Variants in CADM2 observed in about 807,000 individuals in gnomAD.
CADM2 encodes immunoglobulin superfamily member 4D.
A neutral mutation model predicts 49.8 loss-of-function variants in CADM2; 12 were observed. The ratio of observed to expected loss-of-function variants is 0.24; its 90% confidence interval spans 0.15 to 0.39. The LOEUF is 0.39. Among genes scored for constraint, CADM2 ranks in the 10% least tolerant of loss-of-function variants. CADM2 has a pLI of 1.00. For missense variants in CADM2, 378 were observed against 492.3 expected, an observed-to-expected ratio of 0.77 and a Z score of 2.20; for synonymous variants, 214 against 175.4, an observed-to-expected ratio of 1.22 and a Z score of -1.74.
At chr3:85,080,856 T>C (rs1693371211) in intron 1 of CADM2, among the ~76,000 whole-genome samples, 5 of 152,074 alleles carry the variant, frequency 3.3e-5, no homozygotes, top group Admixed American at 3.3e-4. Flanking sequence ...AACATTTATG[T>C]TTCTAAAAAT....
At chr3:85,347,218 T>C (rs2030759139) in intron 1 of CADM2, among the ~76,000 whole-genome samples, 2 of 43,878 alleles carry the variant, frequency 4.6e-5, no homozygotes, top group East Asian at 4.8e-3. Context: ...TGACACTCTG[T>C]CTCACAAAAA....
At chr3:85,465,862 G>A (rs1559854090) in intron 1 of CADM2, among the ~76,000 whole-genome samples, 4 of 152,116 alleles carry the variant, frequency 2.6e-5, no homozygotes, top group Admixed American at 2.6e-4. Context: ...TTATCTAAGC[G>A]CAGGAAGATT....
At chr3:85,658,858 C>G (rs2065304683) in intron 1 of CADM2, among the ~76,000 whole-genome samples, 2 of 149,696 alleles carry the variant, frequency 1.3e-5, no homozygotes, top group Admixed American at 1.3e-4. Flanking sequence ...GGAGACCAGC[C>G]TGGGCAATGC....
rs530357055 is a variant in CADM2 at position 85,723,121 on chromosome 3, C to A, written c.62-3401C>A. Among the ~76,000 whole-genome samples, 69 of 152,150 alleles carry A rather than the reference C, an allele frequency of 4.5e-4. 1 individual carries two copies. Among genetic ancestry groups the A allele is most frequent in the African/African-American group, 1.6e-3 (67 of 41,534 alleles). ...ACATATATATACGTGTTTTCACAAA[C>A]TTATGTAAAATCATGTGAAATCAAT... On this transcript the variant is annotated intron_variant, in intron 1 of 9. Coordinates refer to ENST00000383699, the MANE Select transcript of CADM2 (RefSeq NM_001167675.2).
intron 1 of CADM2, among the ~76,000 whole-genome samples, chr3:85,178,653 A>C (rs2040847002): frequency 6.6e-6 from 1 of 151,926 alleles, no homozygotes; most frequent in African/African-American, 2.4e-5. Flanking sequence ...GTTGTAGTAC[A>C]GTATCTTTTG....
chr3:86,042,319 G>A (rs1272762241), intron 8 of CADM2, among the ~76,000 whole-genome samples: 11 of 151,968 alleles, frequency 7.2e-5, no homozygotes, highest in Non-Finnish European at 1.3e-4. Context: ...CAACAAAATT[G>A]ATAGACCACT....
chr3:85,082,022 A>G (rs531579251), intron 1 of CADM2, among the ~76,000 whole-genome samples: 1 of 152,218 alleles, frequency 6.6e-6, no homozygotes, highest in African/African-American at 2.4e-5. Flanking sequence ...ATTCTATTTT[A>G]TTTGGGGCAT....
chr3:85,111,154 T>A (rs1047586946), intron 1 of CADM2, among the ~76,000 whole-genome samples: 1 of 151,924 alleles, frequency 6.6e-6, no homozygotes, highest in Non-Finnish European at 1.5e-5. Context: ...CTTGTTAATA[T>A]TTCAAATCAT....
At chr3:85,721,148 T>A (rs923872748) in intron 1 of CADM2, among the ~76,000 whole-genome samples, 1 of 152,194 alleles carries the variant, frequency 6.6e-6, no homozygotes, top group Non-Finnish European at 1.5e-5. Flanking sequence ...TTCACTGTAT[T>A]TATTCTGGGA....
At chr3:84,973,765 C>T (rs2031628118) in intron 1 of CADM2, among the ~76,000 whole-genome samples, 2 of 152,278 alleles carry the variant, frequency 1.3e-5, no homozygotes, top group South Asian at 4.1e-4. Flanking sequence ...TATCTAGAAA[C>T]AATGCTCCTT....
intron 1 of CADM2, among the ~76,000 whole-genome samples, chr3:84,964,128 A>G (rs193158597): frequency 5.3e-5 from 8 of 152,216 alleles, no homozygotes; most frequent in African/African-American, 1.4e-4. Context: ...CTAAGTATCA[A>G]CTGAGATGAT....
At chr3:85,603,564 A>T (rs978608091) in intron 1 of CADM2, among the ~76,000 whole-genome samples, 3 of 151,654 alleles carry the variant, frequency 2.0e-5, no homozygotes, top group Non-Finnish European at 4.4e-5. Flanking sequence ...TCCCCAGGGG[A>T]AACAAAGGGG....
chr3:84,998,035 GTA>G (rs2033267174), intron 1 of CADM2, among the ~76,000 whole-genome samples: 1 of 152,100 alleles, frequency 6.6e-6, no homozygotes, highest in East Asian at 1.9e-4. Context: ...CAAGTAAGAT[GTA>G]TCTTCTTAAT....
chr3:86,006,835 G>C (rs1429611477), intron 8 of CADM2, among the ~76,000 whole-genome samples: 1 of 152,154 alleles, frequency 6.6e-6, no homozygotes, highest in East Asian at 1.9e-4. Flanking sequence ...GAGGTCAGGA[G>C]TTCGAGACAA....
At chr3:85,016,983 ATG>A (rs1464652398) in intron 1 of CADM2, among the ~76,000 whole-genome samples, 4 of 152,164 alleles carry the variant, frequency 2.6e-5, no homozygotes, top group Non-Finnish European at 4.4e-5. Flanking sequence ...CTTGAAATAA[ATG>A]AAATCCACCC....
intron 8 of CADM2, among the ~76,000 whole-genome samples, chr3:85,967,016 A>G (rs1463404891): frequency 6.6e-6 from 1 of 151,716 alleles, no homozygotes; most frequent in African/African-American, 2.4e-5. Context: ...AAGCTATTAA[A>G]TGTGCCTTTC....
intron 1 of CADM2, among the ~76,000 whole-genome samples, chr3:85,330,146 T>C (rs975258405): frequency 2.0e-4 from 30 of 152,170 alleles, no homozygotes; most frequent in African/African-American, 7.0e-4. Context: ...CTGGAAATTT[T>C]CATGATGCCT....
At chr3:85,471,176 G>A (rs918664920) in intron 1 of CADM2, among the ~76,000 whole-genome samples, 3 of 152,032 alleles carry the variant, frequency 2.0e-5, no homozygotes, top group African/African-American at 4.8e-5. Context: ...GCTCAGTTTC[G>A]CGTCATCACT....
chr3:85,557,165 C>A (rs2061980201), intron 1 of CADM2, among the ~76,000 whole-genome samples: 1 of 151,676 alleles, frequency 6.6e-6, no homozygotes, highest in Non-Finnish European at 1.5e-5. Flanking sequence ...TAAGAATGAG[C>A]TGAAGTGATA....
Sources: allele counts gnomAD v4.1 joint callset (sites outside exome capture counted in the v4.1 genomes callset), GRCh38; gene constraint gnomAD v4.1.1; transcripts MANE v1.5; gene names NCBI Gene and HGNC (gene_info 2026-07-23, HGNC 2026-07-21).